Variants in C12orf56 observed in about 807,000 individuals in gnomAD.
C12orf56 encodes uncharacterized protein C12orf56.
In C12orf56, 71 loss-of-function variants were observed where a neutral mutation model predicts 69.9. That is an observed-to-expected ratio of 1.02 (90% CI 0.84 to 1.24). The LOEUF (loss-of-function observed/expected upper bound fraction) is 1.24. Among genes scored for constraint, C12orf56 ranks in the 50% most tolerant of loss-of-function variants. C12orf56 has a pLI of 0.00. For synonymous variants in C12orf56, 276 were observed against 274.1 expected (o/e 1.01, Z -0.07); for missense variants, 732 against 738.5 (o/e 0.99, Z 0.10).
intron 6 of C12orf56, among the ~76,000 whole-genome samples, chr12:64,296,934 C>T (rs1372084122): frequency 6.6e-6 from 1 of 151,266 alleles, no homozygotes. Context: ...AACAAGAAGA[C>T]CCTCACAAGA....
intron 2 of C12orf56, chr12:64,338,400 C>T (rs1565763264): frequency 1.4e-6 from 1 of 718,844 alleles, no homozygotes; most frequent in Non-Finnish European, 2.6e-6. Context: ...ACATCAACAT[C>T]GTTTTTGGTG....
At chr12:64,349,946 C>T (rs953972223) in intron 2 of C12orf56, among the ~76,000 whole-genome samples, 5 of 152,012 alleles carry the variant, frequency 3.3e-5, no homozygotes, top group Middle Eastern at 6.8e-3. Context: ...ACAAAAATTA[C>T]TCAGGCATGG....
chr12:64,342,878 C>T (rs1285024883), intron 2 of C12orf56, among the ~76,000 whole-genome samples: 1 of 152,244 alleles, frequency 6.6e-6, no homozygotes, highest in African/African-American at 2.4e-5. Context: ...CTCCAAACAG[C>T]ATCTCTATCT....
intron 1 of C12orf56, among the ~76,000 whole-genome samples, chr12:64,386,093 T>A (rs541593047): frequency 6.6e-6 from 1 of 152,310 alleles, no homozygotes; most frequent in African/African-American, 2.4e-5. Flanking sequence ...GCCCCCTACA[T>A]TCCTTGGCTA....
At chr12:64,298,293 T>C (rs561271669) in intron 6 of C12orf56, among the ~76,000 whole-genome samples, 1 of 152,324 alleles carries the variant, frequency 6.6e-6, no homozygotes, top group East Asian at 1.9e-4. Flanking sequence ...CTTTGTCAGA[T>C]GGATAGATTG....
intron 1 of C12orf56, among the ~76,000 whole-genome samples, chr12:64,366,239 C>CTTGTATAATAT (rs2039480536): frequency 1.1e-5 from 1 of 89,284 alleles, no homozygotes; most frequent in Non-Finnish European, 2.1e-5. Flanking sequence ...ATATAATATA[C>CTTGTATAATAT]AGTTTATATA....
intron 1 of C12orf56, among the ~76,000 whole-genome samples, chr12:64,382,911 A>G (rs1469565746): frequency 6.6e-6 from 1 of 151,628 alleles, no homozygotes; most frequent in African/African-American, 2.4e-5. Context: ...AGTGAAAGAG[A>G]TCCGACCTAA....
At chr12:64,272,569 A>C (rs1016877644) in intron 11 of C12orf56, among the ~76,000 whole-genome samples, 8 of 81,398 alleles carry the variant, frequency 9.8e-5, no homozygotes, top group African/African-American at 2.7e-4. Flanking sequence ...ATGAAAGTAA[A>C]AAAATAAAAA....
At chr12:64,377,016 C>G (rs1043329605) in intron 1 of C12orf56, among the ~76,000 whole-genome samples, 2 of 152,054 alleles carry the variant, frequency 1.3e-5, no homozygotes, top group African/African-American at 4.8e-5. Context: ...CACAATCTCA[C>G]CAGCATCTGT....
intron 7 of C12orf56, 116 bp from the exon 8 acceptor site, chr12:64,284,869 T>A: frequency 1.4e-6 from 1 of 703,546 alleles, no homozygotes; most frequent in Non-Finnish European, 2.3e-6. Flanking sequence ...CAGAAAAAAG[T>A]ACAGGAAATA....
Position 64,274,965 on chromosome 12 carries a change from C to T in C12orf56, c.1520G>A (p.Gly507Glu), listed in dbSNP as rs2038031856. 4.3e-6 allele frequency: 7 copies of T among 1,609,978 alleles called. No homozygotes were observed. Among genetic ancestry groups the T allele is most frequent in the Non-Finnish European group, 5.9e-6 (7 of 1,176,718 alleles). ...ILLVFQQGNL[G>E]LGSTKFAISW... ...AATAGCAAACTTTGTGGATCCCAAT[C>T]CGAGATTTCCCTAAAAGACTCAAGG... Residue 507 changes from glycine (G) to glutamate (E), a missense_variant, in exon 11 of 13, where the codon GGA (glycine) becomes GAA (glutamate). Gly to Glu is a moderately conservative substitution (Grantham distance 98, BLOSUM62 -2). Coordinates refer to ENST00000543942, the MANE Select transcript of C12orf56 (RefSeq NM_001170633.2).
chr12:64,322,990 A>G (rs2038791440), intron 3 of C12orf56, among the ~76,000 whole-genome samples: 1 of 152,166 alleles, frequency 6.6e-6, no homozygotes, highest in African/African-American at 2.4e-5. Flanking sequence ...GCAGTGTGTC[A>G]TTTATTCAAG....
At chr12:64,388,180 C>T (rs2039819301) in intron 1 of C12orf56, among the ~76,000 whole-genome samples, 1 of 152,128 alleles carries the variant, frequency 6.6e-6, no homozygotes, top group African/African-American at 2.4e-5. Flanking sequence ...TCAGGTGATC[C>T]ACCTGCCTCA....
chr12:64,298,985 T>C (rs2038407088), intron 6 of C12orf56, among the ~76,000 whole-genome samples: 1 of 152,230 alleles, frequency 6.6e-6, no homozygotes, highest in Admixed American at 6.5e-5. Context: ...TTATGGCCAT[T>C]TTCACGATAT....
intron 6 of C12orf56, among the ~76,000 whole-genome samples, chr12:64,303,055 C>T (rs2038467111): frequency 2.0e-5 from 3 of 152,070 alleles, no homozygotes; most frequent in South Asian, 4.2e-4. Flanking sequence ...GGTGGATCAC[C>T]TGAGGTCAGG....
chr12:64,287,379 G>C (rs2136772838), intron 6 of C12orf56, among the ~76,000 whole-genome samples: 1 of 148,470 alleles, frequency 6.7e-6, no homozygotes, highest in South Asian at 2.2e-4. Flanking sequence ...TTAAGTTTTA[G>C]GGTACATGTG....
At chr12:64,269,088 C>G (rs901314786) in intron 12 of C12orf56, among the ~76,000 whole-genome samples, 1 of 149,202 alleles carries the variant, frequency 6.7e-6, no homozygotes, top group African/African-American at 2.5e-5. Flanking sequence ...TGTGATAAGC[C>G]GAGATCACAG....
At chr12:64,284,586 T>C (rs1431402044) in intron 8 of C12orf56, 78 bp downstream of exon 8, 1 of 1,010,786 alleles carries the variant, frequency 9.9e-7, no homozygotes, top group Non-Finnish European at 1.4e-6. Flanking sequence ...TGGAGAATTA[T>C]GTGCTTTGGA....
chr12:64,365,864 G>A (rs2039466125), intron 1 of C12orf56, among the ~76,000 whole-genome samples: 1 of 134,442 alleles, frequency 7.4e-6, no homozygotes, highest in Admixed American at 7.9e-5. Context: ...TATATATAGT[G>A]TATATATTAT....
Sources: gnomAD v4.1 joint callset for allele counts (sites outside exome capture counted in the v4.1 genomes callset) on GRCh38, gnomAD v4.1.1 for gene constraint, MANE v1.5 for transcripts, NCBI Gene and HGNC (gene_info 2026-07-23, HGNC 2026-07-21) for gene names.